Variants in ACBD5 observed in about 807,000 individuals in gnomAD.
ACBD5 encodes acyl-CoA binding domain containing 5.
In ACBD5, 40 loss-of-function variants were observed where a neutral mutation model predicts 71.8. That is an observed-to-expected ratio of 0.56 (90% CI 0.43 to 0.72). The LOEUF is 0.72. Ranked by LOEUF, ACBD5 falls within the 30% of genes least tolerant of loss-of-function variation. The pLI is 0.00. For synonymous variants in ACBD5, 229 were observed against 218.6 expected, an observed-to-expected ratio of 1.05 and a Z score of -0.42; for missense variants, 559 against 644.5, an observed-to-expected ratio of 0.87 and a Z score of 1.44.
chr10:27,232,325 G>GTT (rs370593315), intron 3 of ACBD5: 28 of 115,652 alleles, frequency 2.4e-4, no homozygotes, highest in East Asian at 4.7e-4. Flanking sequence ...TCAGGCATGG[G>GTT]TTTTTTTTTT....
At chr10:27,228,814 TA>T (rs1437243322) in intron 4 of ACBD5, among the ~76,000 whole-genome samples, 50 of 4,852 alleles carry the variant, frequency 0.01, no homozygotes, top group African/African-American at 0.022. Context: ...TATATATATA[TA>T]TTTTTTTTTT....
chr10:27,199,796 G>A (rs188868434), intron 12 of ACBD5, among the ~76,000 whole-genome samples: 1 of 152,144 alleles, frequency 6.6e-6, no homozygotes, highest in African/African-American at 2.4e-5. Context: ...TAAGAAAACT[G>A]GTTAGACGAG....
chr10:27,215,165 A>T (rs947115229), intron 8 of ACBD5, among the ~76,000 whole-genome samples: 1 of 148,866 alleles, frequency 6.7e-6, no homozygotes, highest in African/African-American at 2.5e-5. Context: ...CCCCATCTCT[A>T]AAAAACAAAA....
intron 2 of ACBD5, among the ~76,000 whole-genome samples, chr10:27,235,983 A>G (rs1036753227): frequency 6.6e-6 from 1 of 151,958 alleles, no homozygotes; most frequent in African/African-American, 2.4e-5. Flanking sequence ...GTGTGATGGC[A>G]CACCCTGTAG....
chr10:27,231,862 A>T (rs1187061530), intron 3 of ACBD5, 42 bp from the exon 4 acceptor site: 7 of 1,556,380 alleles, frequency 4.5e-6, no homozygotes, highest in Non-Finnish European at 6.2e-6. Flanking sequence ...GAGACATCTG[A>T]TTTTAATTGC....
upstream of ACBD5, chr10:27,242,091 T>C (rs1028749483): frequency 4.4e-6 from 2 of 451,542 alleles, no homozygotes; most frequent in African/African-American, 4.0e-5. Flanking sequence ...TGTCCGGTAA[T>C]GTCCCCGACG....
downstream of ACBD5, among the ~76,000 whole-genome samples, chr10:27,190,922 T>C (rs537990206): frequency 6.6e-6 from 1 of 152,264 alleles, no homozygotes; most frequent in South Asian, 2.1e-4. Context: ...TGGATTGTGG[T>C]GCTGCACCCT....
At chr10:27,190,713 T>C (rs1054894692), downstream of ACBD5, among the ~76,000 whole-genome samples, 2 of 152,224 alleles carry the variant, frequency 1.3e-5, no homozygotes, top group African/African-American at 4.8e-5. Flanking sequence ...AGTCATTCTT[T>C]TAACTGTGTG....
At chr10:27,225,086 T>TTTA (rs2062849451) in intron 4 of ACBD5, among the ~76,000 whole-genome samples, 1 of 150,858 alleles carries the variant, frequency 6.6e-6, no homozygotes, top group Non-Finnish European at 1.5e-5. Context: ...TCTTTTTTTT[T>TTTA]TTTTTTGGAG....
At chr10:27,238,208 G>T (rs1431473509) in intron 2 of ACBD5, among the ~76,000 whole-genome samples, 1 of 151,354 alleles carries the variant, frequency 6.6e-6, no homozygotes, top group East Asian at 2.0e-4. Flanking sequence ...TGATCAGCCC[G>T]CCTCAGCATC....
intron 11 of ACBD5, among the ~76,000 whole-genome samples, chr10:27,204,858 T>C (rs183167529): frequency 5.9e-4 from 90 of 152,302 alleles, no homozygotes; most frequent in African/African-American, 2.1e-3. Context: ...CCGGGCGCGG[T>C]GGCTCACACC....
intron 2 of ACBD5, among the ~76,000 whole-genome samples, chr10:27,238,046 C>A (rs1032631925): frequency 6.6e-6 from 1 of 151,826 alleles, no homozygotes; most frequent in Non-Finnish European, 1.5e-5. Flanking sequence ...CCCGGGTTCA[C>A]GCCATTCTCC....
At chr10:27,205,986 C>A (rs975124577) in intron 10 of ACBD5, among the ~76,000 whole-genome samples, 1 of 152,104 alleles carries the variant, frequency 6.6e-6, no homozygotes, top group Non-Finnish European at 1.5e-5. Flanking sequence ...TGGCTCACTG[C>A]AGCCTTGAAC....
At position 27,240,776 on chromosome 10, in the gene ACBD5, C is replaced by A; in HGVS notation, c.-88G>T. The A allele has an allele frequency of 2.6e-6, 4 of 1,537,652 alleles. No homozygotes were observed. Among genetic ancestry groups the A allele is most frequent in the Non-Finnish European group, 3.5e-6 (4 of 1,136,082 alleles). On this transcript the variant is annotated 5_prime_UTR_variant, in exon 1 of 13. Transcript: ENST00000396271. The surrounding 1 kb of genome is among the most constrained non-coding windows in gnomAD (Gnocchi z 4.1). ...GGACCCTGGCGGAGCAGCCACACCC[C>A]CCATTCCGCCGGAGTCCGTCTGTCA...
chr10:27,227,009 A>ATTTTTTTTTTTTTTTTTTTTTTTT (rs56406048), intron 4 of ACBD5, among the ~76,000 whole-genome samples: 4 of 78,402 alleles, frequency 5.1e-5, no homozygotes, highest in East Asian at 3.7e-4. Context: ...TTTTTTTGCG[A>ATTTTTTTTTTTTTTTTTTTTTTTT]TTTTTTTTTT....
Position 27,196,603 on chromosome 10 carries a change from T to G in ACBD5, c.*827A>C, listed in dbSNP as rs1435608429. ...ACAGTATAAATAAGTTTTCATTTTATATTTCAAAGCACCCTATGAAGCAGA... is the reference window on the plus strand; with the variant it reads ...ACAGTATAAATAAGTTTTCATTTTAGATTTCAAAGCACCCTATGAAGCAGA... On this transcript the variant is annotated 3_prime_UTR_variant, in exon 13 of 13. Transcript: ENST00000396271. The G allele has an allele frequency of 2.2e-6, 1 of 453,854 alleles. No homozygotes were observed. Among genetic ancestry groups the G allele is most frequent in the East Asian group, 6.9e-5 (1 of 14,404 alleles). 28.1% of individuals were successfully genotyped at this position (453,854 alleles called of 1,614,324 possible).
intron 13 of ACBD5, among the ~76,000 whole-genome samples, chr10:27,187,667 G>A (rs1241024725): frequency 2.6e-5 from 4 of 151,508 alleles, no homozygotes; most frequent in South Asian, 2.1e-4. Flanking sequence ...CATGAGAATC[G>A]CTTGAACCCA....
Position 27,240,199 on chromosome 10 carries a change from C to T in ACBD5, c.181+120G>A. 2 of 1,491,732 alleles carry T rather than the reference C, an allele frequency of 1.3e-6. No individual in the cohort carries two copies. Among genetic ancestry groups the T allele is most frequent in the Non-Finnish European group, 1.8e-6 (2 of 1,091,742 alleles). The allele number at this position is 1,491,732 out of a possible 1,614,324, so 92.4% of individuals were successfully genotyped here. A position where few individuals can be genotyped will look rare whatever the true frequency, so the allele number is the denominator to read the frequency against. ...TAATTCATATTCAATAGCTCCCCTT[C>T]CACTACATGGCTCCTACACAGAAAA... On this transcript the variant is annotated intron_variant, in intron 2 of 12. Coordinates refer to ENST00000396271, the MANE Select transcript of ACBD5 (RefSeq NM_145698.5). The surrounding 1 kb of genome is among the most constrained non-coding windows in gnomAD (Gnocchi z 4.1).
At chr10:27,206,973 TTAA>T (rs1450709007) in intron 10 of ACBD5, among the ~76,000 whole-genome samples, 1 of 151,742 alleles carries the variant, frequency 6.6e-6, no homozygotes, top group Non-Finnish European at 1.5e-5. Flanking sequence ...TGCAGTCTGA[TTAA>T]TAATAATATG....
Sources: allele counts gnomAD v4.1 joint callset (sites outside exome capture counted in the v4.1 genomes callset), GRCh38; gene constraint gnomAD v4.1.1; non-coding constraint Gnocchi (gnomAD v3.1); transcripts MANE v1.5; gene names NCBI Gene and HGNC (gene_info 2026-07-23, HGNC 2026-07-21).